The following WSCD1 variants were observed in gnomAD, a reference collection of about 807,000 sequenced individuals.
WSCD1 encodes the protein WSC domain sialate O sulfotransferase 1.
WSCD1 carries 41 observed loss-of-function variants against 60.4 expected under a neutral mutation model. The ratio of observed to expected loss-of-function variants is 0.68; its 90% confidence interval spans 0.53 to 0.88. The LOEUF is 0.88. WSCD1 is among the 40% of genes least tolerant of loss of function. The probability of loss-of-function intolerance (pLI) is 0.00; values close to 1 mark genes in which losing one functional copy is unlikely to be tolerated. For missense variants in WSCD1, 784 were observed against 796.2 expected, an observed-to-expected ratio of 0.98 and a Z score of 0.18; for synonymous variants, 361 against 332.5, an observed-to-expected ratio of 1.09 and a Z score of -0.93.
upstream of WSCD1, chr17:6,069,428 T>A (rs951542669): frequency 2.2e-3 from 500 of 231,622 alleles, no homozygotes; most frequent in East Asian, 0.011. Context: ...TGTGTGTGTG[T>A]GAGAGAGAGA....
Position 6,087,738 on chromosome 17 carries a change from C to T in WSCD1, c.428-252C>T, listed in dbSNP as rs566102906. Reference sequence around the variant, plus strand: ...AAGCAGTGGTCAGGCCGACGCCTGGCTCCTGGCAGAGCCGTCAGGGTGGAC... The same window carrying T: ...AAGCAGTGGTCAGGCCGACGCCTGGTTCCTGGCAGAGCCGTCAGGGTGGAC... On this transcript the variant is annotated intron_variant, in intron 2 of 8. Transcript: ENST00000317744. 9.2e-5 allele frequency among the ~76,000 whole-genome samples: 14 copies of T among 152,334 alleles called. No homozygotes were observed. In the South Asian group the frequency reaches 2.7e-3, roughly 29 times the overall value.
intron 2 of WSCD1, among the ~76,000 whole-genome samples, chr17:6,082,981 C>T (rs1028255413): frequency 6.6e-6 from 1 of 152,118 alleles, no homozygotes; most frequent in African/African-American, 2.4e-5. Context: ...AGAAATCATT[C>T]AGGCCATTGC....
intron 5 of WSCD1, among the ~76,000 whole-genome samples, chr17:6,098,144 AGG>A (rs1910564215): frequency 1.1e-4 from 1 of 9,380 alleles, no homozygotes; most frequent in Non-Finnish European, 1.8e-4. Flanking sequence ...TTGCAGAGAC[AGG>A]GGGGCGGGGT....
At chr17:6,114,107 G>A (rs540843508) in intron 7 of WSCD1, among the ~76,000 whole-genome samples, 1 of 145,856 alleles carries the variant, frequency 6.9e-6, no homozygotes, top group South Asian at 2.2e-4. Flanking sequence ...CTATCAATAG[G>A]TGAATTTTTA....
At chr17:6,092,414 C>T (rs987010506) in intron 4 of WSCD1, among the ~76,000 whole-genome samples, 1 of 152,060 alleles carries the variant, frequency 6.6e-6, no homozygotes, top group Non-Finnish European at 1.5e-5. Context: ...GCTCAGGGGT[C>T]CAGATGGGGC....
At chr17:6,090,273 CCTAGCT>C in intron 3 of WSCD1, 42 bp from the exon 4 acceptor site, 1 of 1,510,770 alleles carries the variant, frequency 6.6e-7, no homozygotes, top group African/African-American at 1.4e-5. Context: ...AGACCGCAGC[CCTAGCT>C]CTGGGCCAAG....
chr17:6,076,517 GC>G (rs1908873629), intron 1 of WSCD1, among the ~76,000 whole-genome samples: 1 of 152,142 alleles, frequency 6.6e-6, no homozygotes. Flanking sequence ...TTCCTTGCTT[GC>G]CTCTTTTGCA....
At position 6,083,515 on chromosome 17, in the gene WSCD1, G is replaced by T. The variant is rs1231974048; in HGVS notation, c.427+2430G>T. 3.3e-5 allele frequency among the ~76,000 whole-genome samples: 5 copies of T among 152,242 alleles called. No homozygotes were observed. The East Asian group carries it at 9.6e-4, about 29-fold the overall frequency. ...GACCAGCAGCCTCCCAAAGCGCTAG[G>T]ATTACAGGCGTGAGCCACCACGCCC... On this transcript the variant is annotated intron_variant, in intron 2 of 8. Transcript: ENST00000317744.
At chr17:6,070,258 G>A (rs1461804101), upstream of WSCD1, among the ~76,000 whole-genome samples, 3 of 141,158 alleles carry the variant, frequency 2.1e-5, no homozygotes, top group Non-Finnish European at 4.8e-5. Context: ...GGCCGGGGCA[G>A]GGCGTGGGCC....
At chr17:6,087,464 G>A (rs1220637265) in intron 2 of WSCD1, among the ~76,000 whole-genome samples, 2 of 152,200 alleles carry the variant, frequency 1.3e-5, no homozygotes, top group African/African-American at 4.8e-5. Context: ...ACTCCCTCTT[G>A]GGACGACAGA....
rs1367222654 is a variant in WSCD1 at position 6,122,969 on chromosome 17, G to C, written c.*2308G>C. 1 of 152,272 alleles carries C rather than the reference G, an allele frequency of 6.6e-6. No homozygotes were observed. The highest frequency in any genetic ancestry group is 2.4e-5 in the African/African-American group (1 of 41,450). 9.4% of individuals were successfully genotyped at this position (152,272 alleles called of 1,614,324 possible). A position where few individuals can be genotyped will look rare whatever the true frequency, so the allele number is the denominator to read the frequency against. ...ATGAGCAAGGAAGAGCAACGGCCCT[G>C]TCAGCTGGCAGTGGTCCTCACAGCC... On this transcript the variant is annotated 3_prime_UTR_variant, in exon 9 of 9. Coordinates refer to ENST00000317744, the MANE Select transcript of WSCD1 (RefSeq NM_015253.2).
chr17:6,078,561 G>GGTGTGTGTGT (rs67928797), intron 1 of WSCD1, among the ~76,000 whole-genome samples: 2 of 150,306 alleles, frequency 1.3e-5, no homozygotes, highest in Admixed American at 6.6e-5. Context: ...GAATGTGGAG[G>GGTGTGTGTGT]GTGTGTGTGT....
At chr17:6,109,878 G>T in intron 6 of WSCD1, 112 bp downstream of exon 6, 3 of 1,424,324 alleles carry the variant, frequency 2.1e-6, no homozygotes, top group African/African-American at 1.4e-5. Flanking sequence ...GGTATGGCAT[G>T]TGTCTGTGTA....
At chr17:6,072,574 G>A (rs1908610163) in intron 1 of WSCD1, among the ~76,000 whole-genome samples, 1 of 152,218 alleles carries the variant, frequency 6.6e-6, no homozygotes, top group Admixed American at 6.5e-5. Flanking sequence ...TCAAGGCCAA[G>A]GACTTTGGGG....
intron 5 of WSCD1, among the ~76,000 whole-genome samples, chr17:6,104,122 A>G (rs191805394): frequency 2.6e-5 from 4 of 152,094 alleles, no homozygotes; most frequent in Admixed American, 2.0e-4. Context: ...AGCATATCTC[A>G]TGGTGAGAGA....
At position 6,075,691 on chromosome 17, in the gene WSCD1, C is replaced by T. The variant is rs1325414545; in HGVS notation, c.-288-4680C>T. 2.0e-5 allele frequency among the ~76,000 whole-genome samples: 3 copies of T among 152,250 alleles called. No homozygotes were observed. The highest frequency in any genetic ancestry group is 4.4e-5 in the Non-Finnish European group (3 of 68,024). On this transcript the variant is annotated intron_variant, in intron 1 of 8. Transcript: ENST00000317744. This position sits in a 1 kb window ranked among gnomAD's most constrained non-coding sequence, Gnocchi z 4.1. ...GGCCCTGCTCTTCTGTAGGGTGACCCCAGGACAGGGCAGTGGGTGTGCACC... is the reference window on the plus strand; with the variant it reads ...GGCCCTGCTCTTCTGTAGGGTGACCTCAGGACAGGGCAGTGGGTGTGCACC...
At chr17:6,100,438 C>T (rs998997391) in intron 5 of WSCD1, among the ~76,000 whole-genome samples, 1 of 152,252 alleles carries the variant, frequency 6.6e-6, no homozygotes, top group Admixed American at 6.5e-5. Context: ...CCGCCATCTG[C>T]CCAACGGAGC....
chr17:6,086,338 T>A, intron 2 of WSCD1, among the ~76,000 whole-genome samples: 1 of 148,654 alleles, frequency 6.7e-6, no homozygotes. Context: ...TAATTGTTCA[T>A]TCATATATAT....
At chr17:6,115,278 C>T (rs921928481) in intron 7 of WSCD1, among the ~76,000 whole-genome samples, 2 of 152,192 alleles carry the variant, frequency 1.3e-5, no homozygotes, top group African/African-American at 4.8e-5. Context: ...CTTGAATTTT[C>T]CTTAATTTTT....
Sources: gnomAD v4.1 joint callset for allele counts (sites outside exome capture counted in the v4.1 genomes callset) on GRCh38, gnomAD v4.1.1 for gene constraint, Gnocchi (gnomAD v3.1) non-coding constraint, MANE v1.5 for transcripts, NCBI Gene and HGNC (gene_info 2026-07-23, HGNC 2026-07-21) for gene names.